TFCP2L1: variants seen among roughly 807,000 people sequenced by gnomAD.
The protein encoded by TFCP2L1 is transcription factor CP2 like 1.
In TFCP2L1, 12 loss-of-function variants were observed where a neutral mutation model predicts 72.2. The ratio of observed to expected loss-of-function variants is 0.17; its 90% CI spans 0.11 to 0.27. TFCP2L1 has a LOEUF of 0.27. Among genes scored for constraint, TFCP2L1 ranks in the 10% least tolerant of loss-of-function variants. The pLI is 1.00. For synonymous variants in TFCP2L1, 260 were observed against 251.0 expected (o/e 1.04, Z -0.34); for missense variants, 488 against 624.6 (o/e 0.78, Z 2.33).
chr2:121,239,712 C>T, intron 7 of TFCP2L1, 63 bp from the exon 8 acceptor site: 1 of 1,509,794 alleles, frequency 6.6e-7, no homozygotes. Context: ...CTCCCCAGGT[C>T]CTCCCAAGCA....
At chr2:121,235,707 A>C (rs1221388488) in intron 10 of TFCP2L1, among the ~76,000 whole-genome samples, 1 of 150,906 alleles carries the variant, frequency 6.6e-6, no homozygotes, top group Admixed American at 6.6e-5. Context: ...GACATGAGTC[A>C]CTGCATCTGG....
Position 121,231,912 on chromosome 2 carries a change from CG to C in TFCP2L1, c.1254del (p.Ile418MetfsTer27). On this transcript the variant is annotated frameshift_variant, in exon 13 of 15. Coordinates refer to ENST00000263707, the MANE Select transcript of TFCP2L1 (RefSeq NM_014553.3). LOFTEE classifies it high-confidence loss of function. ...TGGGGGGAGATGCTGTACAGGTTGG[CG>C]ATCTTCTCAATCAGCTCCAAGGTGG... ...ELTTLELIEKIANLYSISPQH... is the reference protein window; with the variant it reads ...ELTTLELIEKXANLYSISPQH... 1 of 1,613,364 alleles carries C rather than the reference CG, an allele frequency of 6.2e-7. No individual in the cohort carries two copies. Among genetic ancestry groups the C allele is most frequent in the Non-Finnish European group, 8.5e-7 (1 of 1,179,582 alleles).
intron 2 of TFCP2L1, among the ~76,000 whole-genome samples, chr2:121,269,907 T>TCAAAAAAAAAAAAAAAAA (rs750107740): frequency 1.3e-4 from 10 of 77,554 alleles, no homozygotes; most frequent in African/African-American, 5.4e-4. Flanking sequence ...AGACTCCATC[T>TCAAAAAAAAAAAAAAAAA]AAAAAAAAAA....
At chr2:121,252,996 TA>T (rs558911973) in intron 2 of TFCP2L1, among the ~76,000 whole-genome samples, 122 of 152,238 alleles carry the variant, frequency 8.0e-4, no homozygotes, top group African/African-American at 2.8e-3. Flanking sequence ...GCTGTCTCTA[TA>T]AAAATAACAA....
At chr2:121,259,541 T>C (rs914512776) in intron 2 of TFCP2L1, among the ~76,000 whole-genome samples, 6 of 152,260 alleles carry the variant, frequency 3.9e-5, no homozygotes, top group African/African-American at 1.4e-4. Context: ...ATAATAACTT[T>C]TTAATTCTTC....
At chr2:121,227,632 G>A (rs1686055022) in intron 13 of TFCP2L1, among the ~76,000 whole-genome samples, 1 of 152,046 alleles carries the variant, frequency 6.6e-6, no homozygotes. Context: ...AGTGAGCTGA[G>A]ATCACATCAC....
intron 10 of TFCP2L1, among the ~76,000 whole-genome samples, chr2:121,236,046 C>T (rs1219373547): frequency 2.6e-5 from 4 of 152,180 alleles, no homozygotes; most frequent in Non-Finnish European, 4.4e-5. Context: ...CTTCCCTCCC[C>T]GCAAGTCATG....
chr2:121,236,659 A>G (rs905596972), intron 10 of TFCP2L1, among the ~76,000 whole-genome samples: 16 of 152,052 alleles, frequency 1.1e-4, no homozygotes, highest in African/African-American at 3.9e-4. Context: ...CTGTTCTTCC[A>G]GGGCCCCCAT....
chr2:121,283,328 C>T (rs188225720), intron 1 of TFCP2L1, among the ~76,000 whole-genome samples: 100 of 152,262 alleles, frequency 6.6e-4, no homozygotes, highest in African/African-American at 2.4e-3. Flanking sequence ...ATACAAAAAA[C>T]GCAAGGAAAA....
intron 1 of TFCP2L1, among the ~76,000 whole-genome samples, chr2:121,282,225 G>A (rs1044164275): frequency 1.3e-5 from 2 of 149,466 alleles, no homozygotes; most frequent in South Asian, 2.1e-4. Flanking sequence ...GAGCCACCGC[G>A]CCCAGCCCAG....
At chr2:121,272,861 C>T (rs1176628106) in intron 2 of TFCP2L1, among the ~76,000 whole-genome samples, 1 of 152,230 alleles carries the variant, frequency 6.6e-6, no homozygotes, top group Non-Finnish European at 1.5e-5. Context: ...GGTTCAGTGA[C>T]TTGCCCAGGT....
At chr2:121,240,150 C>A in intron 7 of TFCP2L1, 1 of 985,198 alleles carries the variant, frequency 1.0e-6, no homozygotes, top group South Asian at 4.7e-5. Flanking sequence ...GGCTCTTGCA[C>A]AATCACCAAA....
At chr2:121,245,242 T>C (rs150456221) in intron 6 of TFCP2L1, among the ~76,000 whole-genome samples, 1 of 152,024 alleles carries the variant, frequency 6.6e-6, no homozygotes, top group African/African-American at 2.4e-5. Flanking sequence ...GGAAGAACCA[T>C]GAACCTAGGA....
At chr2:121,282,100 T>C (rs1157450470) in intron 1 of TFCP2L1, among the ~76,000 whole-genome samples, 1 of 151,906 alleles carries the variant, frequency 6.6e-6, no homozygotes, top group African/African-American at 2.4e-5. Flanking sequence ...ACCTGGCTAA[T>C]TTTTGTATTT....
At chr2:121,250,981 TG>T (rs1314810745) in intron 2 of TFCP2L1, among the ~76,000 whole-genome samples, 1 of 151,114 alleles carries the variant, frequency 6.6e-6, no homozygotes, top group African/African-American at 2.4e-5. Flanking sequence ...TACAAAAATA[TG>T]GCCAGGCACG....
chr2:121,258,314 C>T lies in TFCP2L1; in HGVS notation c.215-8667G>A, dbSNP rs192281193. ...GGTAATACCCATCAATATTAATAAGCGCCCAGCCACCCCATCACCAGGACT... is the reference window on the plus strand; with the variant it reads ...GGTAATACCCATCAATATTAATAAGTGCCCAGCCACCCCATCACCAGGACT... On this transcript the variant is annotated intron_variant, in intron 2 of 14. Coordinates refer to ENST00000263707, the MANE Select transcript of TFCP2L1 (RefSeq NM_014553.3). Among the ~76,000 whole-genome samples, 11 of 152,286 alleles carry T rather than the reference C, an allele frequency of 7.2e-5. No homozygotes were observed. In the East Asian group the frequency reaches 2.1e-3, roughly 29 times the overall value.
At chr2:121,236,642 C>T (rs995212377) in intron 10 of TFCP2L1, among the ~76,000 whole-genome samples, 5 of 152,138 alleles carry the variant, frequency 3.3e-5, no homozygotes, top group Non-Finnish European at 7.4e-5. Flanking sequence ...AAGCCGAAGT[C>T]CTTCCACTGT....
At chr2:121,245,236 G>A (rs543639433) in intron 6 of TFCP2L1, among the ~76,000 whole-genome samples, 4 of 152,286 alleles carry the variant, frequency 2.6e-5, no homozygotes, top group Non-Finnish European at 4.4e-5. Flanking sequence ...GACAAAGGAA[G>A]AACCATGAAC....
intron 1 of TFCP2L1, 139 bp downstream of exon 1, chr2:121,284,909 G>A (rs762394793): frequency 1.7e-5 from 12 of 702,882 alleles, no homozygotes; most frequent in Non-Finnish European, 2.2e-5. Flanking sequence ...GACGCTGGGC[G>A]GGTCTCTCAG....
Sources: allele counts gnomAD v4.1 joint callset (sites outside exome capture counted in the v4.1 genomes callset), GRCh38; gene constraint gnomAD v4.1.1; transcripts MANE v1.5; gene names NCBI Gene and HGNC (gene_info 2026-07-23, HGNC 2026-07-21).